RCOR3: variants seen among roughly 807,000 people sequenced by gnomAD.
RCOR3 encodes REST corepressor 3.
A neutral mutation model predicts 64.1 loss-of-function variants in RCOR3; 13 were observed. The observed-to-expected ratio is 0.20, with a 90% CI of 0.13 to 0.32. The LOEUF is 0.32. Among genes scored for constraint, RCOR3 ranks in the 10% least tolerant of loss-of-function variants. RCOR3 has a pLI of 1.00. For missense variants in RCOR3, 489 were observed against 701.2 expected (o/e 0.70, Z 3.42); for synonymous variants, 215 against 239.0 (o/e 0.90, Z 0.93).
chr1:211,286,660 A>C (rs771922408), intron 7 of RCOR3, among the ~76,000 whole-genome samples: 10 of 152,126 alleles, frequency 6.6e-5, no homozygotes, highest in African/African-American at 2.4e-4. Flanking sequence ...TTTATCCTGC[A>C]TATTTAACTT....
chr1:211,299,637 CG>C (rs35913326), intron 9 of RCOR3, among the ~76,000 whole-genome samples: 17,341 of 152,100 alleles, frequency 0.11, 1,127 homozygotes, highest in South Asian at 0.2. Context: ...AACAATTTAG[CG>C]GGGAAAGGAT....
intron 7 of RCOR3, among the ~76,000 whole-genome samples, chr1:211,283,277 A>G (rs995067580): frequency 2.0e-5 from 3 of 152,224 alleles, no homozygotes; most frequent in Non-Finnish European, 4.4e-5. Context: ...GGGCAGGAGA[A>G]AGGGGTGACA....
At chr1:211,295,536 C>T (rs1043291713) in intron 8 of RCOR3, 140 bp from the exon 9 acceptor site, 3 of 671,546 alleles carry the variant, frequency 4.5e-6, no homozygotes, top group Non-Finnish European at 5.2e-6. Context: ...GCATGTCATA[C>T]CCCAAGTGTG....
At position 211,268,082 on chromosome 1, in the gene RCOR3, C is replaced by G. The variant is rs559854486; in HGVS notation, c.224-3150C>G. Among the ~76,000 whole-genome samples, 4 of 152,232 alleles carry G rather than the reference C, an allele frequency of 2.6e-5. No homozygotes were observed. In the East Asian group the frequency reaches 7.7e-4, roughly 29 times the overall value. ...ACTTAATGGAAAACTTTCTTTGTTG[C>G]ATTTCGTGTTCTATTAAGTAGGATT... On this transcript the variant is annotated intron_variant, in intron 2 of 11. Coordinates refer to ENST00000419091, the MANE Select transcript of RCOR3 (RefSeq NM_001136223.3).
intron 2 of RCOR3, among the ~76,000 whole-genome samples, chr1:211,262,033 CTTTTT>C (rs1196587722): frequency 4.6e-5 from 3 of 65,512 alleles, no homozygotes; most frequent in South Asian, 6.9e-4. Flanking sequence ...GCTATAAAAA[CTTTTT>C]TTTTTTTTTT....
intron 2 of RCOR3, among the ~76,000 whole-genome samples, chr1:211,262,741 A>G (rs1476912535): frequency 1.3e-5 from 2 of 152,038 alleles, no homozygotes; most frequent in East Asian, 3.9e-4. Flanking sequence ...TTGTTTCAGG[A>G]TAAACACTGG....
chr1:211,289,385 C>T lies in RCOR3; in HGVS notation c.928C>T (p.Leu310=). ...GCAACTGGACATGGAGTTGATCTCT[C>T]TAAAACGTCAGGTATTTTATAAAAA... is the stretch of plus-strand genomic sequence containing the variant. ...LRQLDMELIS[L]KRQVQNAKQV... is the part of the protein sequence containing the mutation. The change falls in exon 8 of 12, where the codon CTA becomes TTA. Residue 310 remains leucine (L), a synonymous_variant. Transcript: ENST00000419091. The T allele has an allele frequency of 6.2e-7, 1 of 1,612,220 alleles. No homozygotes were observed. Among genetic ancestry groups the T allele is most frequent in the Non-Finnish European group, 8.5e-7 (1 of 1,178,682 alleles).
At chr1:211,310,775 G>T (rs570065975) in intron 10 of RCOR3, among the ~76,000 whole-genome samples, 1 of 152,242 alleles carries the variant, frequency 6.6e-6, no homozygotes, top group Middle Eastern at 3.4e-3. Flanking sequence ...GTGTTCTGAG[G>T]TTTATAATAT....
chr1:211,259,894 C>CCCTCCGCCCTCGACCAAT (rs1361450317), intron 1 of RCOR3, 168 bp downstream of exon 1: 33 of 791,092 alleles, frequency 4.2e-5, no homozygotes, highest in Non-Finnish European at 5.6e-5. Flanking sequence ...GACCCCCCGT[C>CCCTCCGCCCTCGACCAAT]CCTCCGCCCT....
chr1:211,270,615 A>C (rs1696016465), intron 2 of RCOR3, among the ~76,000 whole-genome samples: 1 of 151,788 alleles, frequency 6.6e-6, no homozygotes, highest in South Asian at 2.1e-4. Context: ...GATGATCTCT[A>C]AGTAATGTAT....
intron 6 of RCOR3, among the ~76,000 whole-genome samples, chr1:211,278,930 TG>T (rs1697383657): frequency 6.6e-6 from 1 of 152,172 alleles, no homozygotes; most frequent in South Asian, 2.1e-4. Flanking sequence ...GGCTCATGCC[TG>T]TAATCCCAGC....
At chr1:211,302,811 C>T (rs963810660) in intron 9 of RCOR3, 6 of 152,182 alleles carry the variant, frequency 3.9e-5, no homozygotes, top group African/African-American at 1.2e-4. Context: ...TGTGAACTTC[C>T]TTAGTGTAAA....
At chr1:211,299,758 A>T (rs1362719908) in intron 9 of RCOR3, among the ~76,000 whole-genome samples, 2 of 152,098 alleles carry the variant, frequency 1.3e-5, no homozygotes, top group African/African-American at 2.4e-5. Flanking sequence ...TTATTATGTT[A>T]TTTTTAAATC....
At chr1:211,287,175 T>G (rs2102557863) in intron 7 of RCOR3, among the ~76,000 whole-genome samples, 1 of 152,306 alleles carries the variant, frequency 6.6e-6, no homozygotes, top group African/African-American at 2.4e-5. Context: ...GAGACTTTTT[T>G]TTGGTTTCTT....
chr1:211,270,611 C>T (rs1448864290), intron 2 of RCOR3, among the ~76,000 whole-genome samples: 1 of 150,796 alleles, frequency 6.6e-6, no homozygotes, highest in Admixed American at 6.6e-5. Flanking sequence ...TAATGATGAT[C>T]TCTAAGTAAT....
rs762390983 is a variant in RCOR3 at position 211,289,177 on chromosome 1, G to C, written c.721-1G>C. 1.2e-6 allele frequency: 2 copies of C among 1,611,640 alleles called. No individual in the cohort carries two copies. Among genetic ancestry groups the C allele is most frequent in the Admixed American group, 1.7e-5 (1 of 59,974 alleles). ...CTGTTATTCTGCTTTTATTCTCTTA[G>C]GGTAATACTGAACAACCTGTCCAAA... On this transcript the variant is annotated splice_acceptor_variant, in intron 7 of 11. Transcript: ENST00000419091. LOFTEE classifies it high-confidence loss of function.
chr1:211,283,799 A>G (rs969794123), intron 7 of RCOR3, among the ~76,000 whole-genome samples: 2 of 145,496 alleles, frequency 1.4e-5, no homozygotes, highest in Non-Finnish European at 3.0e-5. Context: ...GTGAGCCAGC[A>G]TGCCTGGCTT....
At chr1:211,295,310 C>CT (rs1289689555) in intron 8 of RCOR3, among the ~76,000 whole-genome samples, 4 of 152,050 alleles carry the variant, frequency 2.6e-5, no homozygotes, top group Non-Finnish European at 4.4e-5. Context: ...TAAATGTTAG[C>CT]TACCATCATC....
chr1:211,260,006 C>T, intron 1 of RCOR3, 102 bp from the exon 2 acceptor site: 1 of 1,224,608 alleles, frequency 8.2e-7, no homozygotes, highest in Non-Finnish European at 1.0e-6. Context: ...CCCGCCGCTT[C>T]TTTCCTCCAT....
Sources: allele counts gnomAD v4.1 joint callset (sites outside exome capture counted in the v4.1 genomes callset), GRCh38; gene constraint gnomAD v4.1.1; transcripts MANE v1.5; gene names NCBI Gene and HGNC (gene_info 2026-07-23, HGNC 2026-07-21).